The following TMEM237 variants were observed in gnomAD, a reference collection of about 807,000 sequenced individuals.
TMEM237 encodes the protein amyotrophic lateral sclerosis 2 (juvenile) chromosome region, candidate 4.
TMEM237 carries 51 observed loss-of-function variants against 59.1 expected under a neutral mutation model. The ratio of observed to expected loss-of-function variants is 0.86; its 90% CI spans 0.69 to 1.09. TMEM237 has a LOEUF of 1.09. Ranked by LOEUF, TMEM237 falls within the 50% of genes least tolerant of loss-of-function variation. The probability of loss-of-function intolerance (pLI) is 0.00; values close to 1 mark genes in which losing one functional copy is unlikely to be tolerated. For synonymous variants in TMEM237, 140 were observed against 166.1 expected, an observed-to-expected ratio of 0.84 and a Z score of 1.21; for missense variants, 475 against 478.3, an observed-to-expected ratio of 0.99 and a Z score of 0.06.
chr2:201,642,782 G>A (rs1687456120), intron 1 of TMEM237: 2 of 1,426,340 alleles, frequency 1.4e-6, no homozygotes, highest in Non-Finnish European at 1.8e-6. Flanking sequence ...TGCGGTGAGA[G>A]GCGTGCAGGG....
intron 9 of TMEM237, among the ~76,000 whole-genome samples, chr2:201,628,601 G>A (rs975820897): frequency 2.0e-5 from 3 of 152,132 alleles, no homozygotes; most frequent in Non-Finnish European, 1.5e-5. Flanking sequence ...AAGGTCATTA[G>A]GATGAACCCT....
chr2:201,626,111 C>A lies in TMEM237; in HGVS notation c.1074G>T (p.Trp358Cys). ...GAGCCACCACGAGATTCACCACAATCCATGGCTGGAGAATCTGTTCCTCAA... is the reference window on the plus strand; with the variant it reads ...GAGCCACCACGAGATTCACCACAATACATGGCTGGAGAATCTGTTCCTCAA... ...AGIEEQILQP[W>C]IVVNLVVALL... Residue 358 changes from tryptophan to cysteine, a missense_variant, in exon 12 of 13, where the codon TGG becomes TGT. Trp to Cys is a radical substitution (Grantham distance 215). Coordinates refer to ENST00000409883, the MANE Select transcript of TMEM237 (RefSeq NM_001044385.3). 6.2e-7 allele frequency: 1 copy of A among 1,610,686 alleles called. No homozygotes were observed. The highest frequency in any genetic ancestry group is 8.5e-7 in the Non-Finnish European group (1 of 1,178,386).
intron 12 of TMEM237, among the ~76,000 whole-genome samples, chr2:201,625,222 C>T (rs1957747403): frequency 6.6e-6 from 1 of 151,704 alleles, no homozygotes; most frequent in Non-Finnish European, 1.5e-5. Context: ...ATTAGCCGGG[C>T]GTGGTGGCGG....
In TMEM237 at chr2:201,623,638, A is replaced by C. The variant is rs1202405001; in HGVS notation, c.*617T>G. On this transcript the variant is annotated 3_prime_UTR_variant, in exon 13 of 13. Transcript: ENST00000409883. ...CCAGATATGAGAACCACTAGTACAGATTATAATGAGAAGCAACTTTTTAGT... is the reference window on the plus strand; with the variant it reads ...CCAGATATGAGAACCACTAGTACAGCTTATAATGAGAAGCAACTTTTTAGT... The C allele has an allele frequency of 6.6e-6, 1 of 152,424 alleles. No individual in the cohort carries two copies. The highest frequency in any genetic ancestry group is 2.4e-5 in the African/African-American group (1 of 41,448). 9.4% of individuals were successfully genotyped at this position (152,424 alleles called of 1,614,324 possible).
chr2:201,629,783 A>T lies in TMEM237; in HGVS notation c.623T>A (p.Val208Glu). The part of the protein sequence containing the change: ...TTENIDVSMD[V>E]KPSWTTRDVA... ...ATCTCTGGTGGTCCAGGAAGGCTTC[A>T]CGTCCATTGACACATCTATGTTTTC... Residue 208 changes from valine (V) to glutamate (E), a missense_variant, in exon 8 of 13, where the codon GTG (valine) becomes GAG (glutamate). Val to Glu is a moderately radical substitution (Grantham distance 121). Transcript: ENST00000409883. The T allele has an allele frequency of 6.2e-7, 1 of 1,613,694 alleles. No homozygotes were observed. Among genetic ancestry groups the T allele is most frequent in the Non-Finnish European group, 8.5e-7 (1 of 1,179,822 alleles).
rs747256903 is a variant in TMEM237, at chr2:201,639,008, G to A, written c.117C>T (p.Pro39=). 2 of 1,584,320 alleles carry A rather than the reference G, an allele frequency of 1.3e-6. No homozygotes were observed. The highest frequency in any genetic ancestry group is 1.7e-6 in the Non-Finnish European group (2 of 1,164,254). The part of the protein sequence containing the change: ...IPLSRPKKKK[P]RTKNTPASAS... ...TCTTACCTGGTGTGTTTTTTGTTCT[G>A]GGCTTCTTTTTCTTAGGACGACTAA... Residue 39 remains proline, a synonymous_variant, in exon 4 of 13, where the codon CCC becomes CCT. Transcript: ENST00000409883.
chr2:201,640,741 T>C (rs1257214503), intron 2 of TMEM237, among the ~76,000 whole-genome samples, 152 bp downstream of exon 2: 1 of 152,208 alleles, frequency 6.6e-6, no homozygotes, highest in African/African-American at 2.4e-5. Context: ...AATTCAAGGA[T>C]TTTTCACCTT....
rs1380047101 is a variant in TMEM237, at chr2:201,643,293, C to T, written c.42+66G>A. The T allele has an allele frequency of 6.8e-7, 1 of 1,474,620 alleles. No individual in the cohort carries two copies. Among genetic ancestry groups the T allele is most frequent in the Admixed American group, 2.0e-5 (1 of 50,284 alleles). 91.3% of individuals were successfully genotyped at this position (1,474,620 alleles called of 1,614,324 possible). ...GTTGGCGCCCCCCCACACACACCCA[C>T]CCCCACTGCCAAGTGTAGCTGTTTA... On this transcript the variant is annotated intron_variant, in intron 1 of 12. Coordinates refer to ENST00000409883, the MANE Select transcript of TMEM237 (RefSeq NM_001044385.3). This position sits in a 1 kb window ranked among gnomAD's most constrained non-coding sequence, Gnocchi z 4.3.
At position 201,628,067 on chromosome 2, in the gene TMEM237, C is replaced by T. The variant is rs754303103; in HGVS notation, c.943+9G>A. On this transcript the variant is annotated intron_variant, in intron 10 of 12. Coordinates refer to ENST00000409883, the MANE Select transcript of TMEM237 (RefSeq NM_001044385.3). ...ATTACACAGTTATCATGTTAAACTGCTTACTCACAGAAAGATGCTAAAGCT... is the reference window on the plus strand; with the variant it reads ...ATTACACAGTTATCATGTTAAACTGTTTACTCACAGAAAGATGCTAAAGCT... The T allele has an allele frequency of 3.1e-6, 5 of 1,600,610 alleles. No homozygotes were observed. In the South Asian group the frequency reaches 3.4e-5, roughly 11 times the overall value.
chr2:201,626,104 C>T lies in TMEM237; in HGVS notation c.1081G>A (p.Val361Met), dbSNP rs765897159. Reference protein sequence around the residue: ...EEQILQPWIVVNLVVALLVGL... With the variant: ...EEQILQPWIVMNLVVALLVGL... Reference sequence around the variant, plus strand: ...ACCAGAAGAGCCACCACGAGATTCACCACAATCCATGGCTGGAGAATCTGT... The same window carrying T: ...ACCAGAAGAGCCACCACGAGATTCATCACAATCCATGGCTGGAGAATCTGT... Residue 361 changes from valine to methionine, a missense_variant, in exon 12 of 13, where the codon GTG (valine) becomes ATG (methionine). Coordinates refer to ENST00000409883, the MANE Select transcript of TMEM237 (RefSeq NM_001044385.3). The T allele has an allele frequency of 2.5e-6, 4 of 1,610,276 alleles. No individual in the cohort carries two copies. In the African/African-American group the frequency reaches 5.3e-5, roughly 22 times the overall value.
rs1687278194 is a variant in TMEM237, at chr2:201,635,361, G to A, written c.274+1387C>T. ...CAACAACTGATATCCTTATAAGAGGGAAATGTGGACACAGACACACAAGGA... is the reference window on the plus strand; with the variant it reads ...CAACAACTGATATCCTTATAAGAGGAAAATGTGGACACAGACACACAAGGA... On this transcript the variant is annotated intron_variant, in intron 5 of 12. Transcript: ENST00000409883. The surrounding 1 kb of genome is among the most constrained non-coding windows in gnomAD (Gnocchi z 4.5). Among the ~76,000 whole-genome samples the A allele has an allele frequency of 6.6e-6, 1 of 152,216 alleles. No homozygotes were observed. Among genetic ancestry groups the A allele is most frequent in the Admixed American group, 6.5e-5 (1 of 15,278 alleles).
intron 9 of TMEM237, 43 bp from the exon 10 acceptor site, chr2:201,628,192 T>C: frequency 7.3e-7 from 1 of 1,365,800 alleles, no homozygotes; most frequent in African/African-American, 1.4e-5. Context: ...AGTTGTAAAC[T>C]TAACAAAACT....
At chr2:201,642,593 G>A (rs368169723) in intron 1 of TMEM237, 505 of 1,604,124 alleles carry the variant, frequency 3.1e-4, no homozygotes, top group Non-Finnish European at 3.9e-4. Context: ...ATTAAAAGTA[G>A]CTAAGGCTCG....
At chr2:201,636,166 C>G (rs1337051796) in intron 5 of TMEM237, 1 of 152,216 alleles carries the variant, frequency 6.6e-6, no homozygotes, top group Non-Finnish European at 1.5e-5. Context: ...AATAACGCTG[C>G]AGTTAACATC....
chr2:201,640,788 T>A, intron 2 of TMEM237, 105 bp downstream of exon 2: 1 of 965,368 alleles, frequency 1.0e-6, no homozygotes, highest in South Asian at 2.0e-5. Flanking sequence ...TTCAGAAGAG[T>A]TTCCTGAATC....
At chr2:201,640,998 T>A in intron 1 of TMEM237, 74 bp from the exon 2 acceptor site, 1 of 1,183,698 alleles carries the variant, frequency 8.4e-7, no homozygotes, top group Non-Finnish European at 1.1e-6. Context: ...ATCACGCTAT[T>A]TTTTTTTTTT....
chr2:201,629,031 G>C (rs1574579712), intron 9 of TMEM237, among the ~76,000 whole-genome samples, 199 bp downstream of exon 9: 1 of 152,224 alleles, frequency 6.6e-6, no homozygotes, highest in African/African-American at 2.4e-5. Flanking sequence ...ATGCTGGAAT[G>C]GGTGAAGTCT....
rs1475428514 is a variant in TMEM237 at position 201,643,382 on chromosome 2, C to A, written c.19G>T (p.Ala7Ser). 2 of 1,545,772 alleles carry A rather than the reference C, an allele frequency of 1.3e-6. No individual in the cohort carries two copies. The highest frequency in any genetic ancestry group is 1.7e-6 in the Non-Finnish European group (2 of 1,145,028). MRTDSG[A>S]RLEEGHLRPP... is the part of the protein sequence containing the mutation. The stretch of plus-strand genomic sequence containing the variant: ...ACCAGGTGGCCCTCCTCCAGCCGAG[C>A]CCCCGAGTCAGTCCTCATGGTGCTC... The change falls in exon 1 of 13, where the codon GCT becomes TCT. Residue 7 changes from alanine to serine, a missense_variant. By Grantham distance (99) the Ala-to-Ser change is moderately conservative. Coordinates refer to ENST00000409883, the MANE Select transcript of TMEM237 (RefSeq NM_001044385.3). The surrounding 1 kb of genome is among the most constrained non-coding windows in gnomAD (Gnocchi z 4.3).
chr2:201,628,523 A>C (rs1342879645), intron 9 of TMEM237, among the ~76,000 whole-genome samples: 1 of 152,166 alleles, frequency 6.6e-6, no homozygotes, highest in Non-Finnish European at 1.5e-5. Flanking sequence ...TGAACTCCTA[A>C]CCTGGAGTAC....
Sources: allele counts gnomAD v4.1 joint callset (sites outside exome capture counted in the v4.1 genomes callset), GRCh38; gene constraint gnomAD v4.1.1; non-coding constraint Gnocchi (gnomAD v3.1); transcripts MANE v1.5; gene names NCBI Gene and HGNC (gene_info 2026-07-23, HGNC 2026-07-21).